Variants in TSHR observed in about 807,000 individuals in gnomAD.
TSHR encodes the protein thyrotropin receptor.
A neutral mutation model predicts 64.1 loss-of-function variants in TSHR; 51 were observed. The observed-to-expected ratio is 0.80, with a 90% confidence interval of 0.64 to 1.01. TSHR has a LOEUF of 1.01. Ranked by LOEUF, TSHR falls within the 50% of genes least tolerant of loss-of-function variation. The pLI is 0.00. For synonymous variants in TSHR, 361 were observed against 361.9 expected (o/e 1.00, Z 0.03); for missense variants, 877 against 942.8 (o/e 0.93, Z 0.91).
At chr14:81,001,615 G>A (rs904846340) in intron 1 of TSHR, 16 of 524,416 alleles carry the variant, frequency 3.1e-5, no homozygotes, top group East Asian at 5.2e-5. Context: ...CCATTGTAAC[G>A]TCAGAATGGT....
At chr14:81,029,647 G>A (rs535443034) in intron 1 of TSHR, among the ~76,000 whole-genome samples, 3 of 152,254 alleles carry the variant, frequency 2.0e-5, no homozygotes, top group African/African-American at 7.2e-5. Context: ...GTACTATGTG[G>A]TAGAAATGAG....
At chr14:81,067,602 C>A (rs2139906943) in intron 2 of TSHR, among the ~76,000 whole-genome samples, 1 of 148,332 alleles carries the variant, frequency 6.7e-6, no homozygotes, top group East Asian at 2.0e-4. Context: ...CTCAACATTG[C>A]CTACACATTA....
chr14:81,024,581 A>G (rs1205869902), intron 1 of TSHR, among the ~76,000 whole-genome samples: 1 of 152,128 alleles, frequency 6.6e-6, no homozygotes, highest in Non-Finnish European at 1.5e-5. Flanking sequence ...CTGCACCGAC[A>G]TAAAAGCTCC....
chr14:81,110,078 T>G (rs559709471), intron 8 of TSHR, among the ~76,000 whole-genome samples: 1 of 152,160 alleles, frequency 6.6e-6, no homozygotes, highest in African/African-American at 2.4e-5. Flanking sequence ...TATTCACATA[T>G]TATGCGATTT....
At chr14:81,027,594 A>T (rs919227358) in intron 1 of TSHR, among the ~76,000 whole-genome samples, 1 of 152,178 alleles carries the variant, frequency 6.6e-6, no homozygotes, top group Non-Finnish European at 1.5e-5. Flanking sequence ...CCCCTAAATT[A>T]TATACCCAGA....
chr14:81,105,026 C>A (rs1472282239), intron 7 of TSHR: 1 of 985,228 alleles, frequency 1.0e-6, no homozygotes, highest in Non-Finnish European at 1.2e-6. Flanking sequence ...TTACTACAAG[C>A]CTTTTGAGTC....
rs1891790388 is a variant in TSHR at position 81,143,466 on chromosome 14, A to G, written c.1408A>G (p.Ile470Val). 1.2e-6 allele frequency: 2 copies of G among 1,614,160 alleles called. No individual in the cohort carries two copies. Among genetic ancestry groups the G allele is most frequent in the African/African-American group, 1.3e-5 (1 of 75,040 alleles). ...CTGCATGGGGATGTACCTGCTCCTC[A>G]TCGCCTCTGTAGACCTCTACACTCA... ...DFCMGMYLLL[I>V]ASVDLYTHSE... is the part of the protein sequence containing the mutation. The change falls in exon 10 of 10, where the codon ATC (isoleucine) becomes GTC (valine). Residue 470 changes from isoleucine to valine, a missense_variant. By Grantham distance (29) the Ile-to-Val change is conservative (BLOSUM62 3). Coordinates refer to ENST00000298171, the MANE Select transcript of TSHR (RefSeq NM_000369.5).
intron 1 of TSHR, among the ~76,000 whole-genome samples, chr14:81,029,637 G>A (rs1884247653): frequency 6.6e-6 from 1 of 152,104 alleles, no homozygotes; most frequent in African/African-American, 2.4e-5. Context: ...AAAAATTTCT[G>A]TACTATGTGG....
At chr14:81,024,842 C>T (rs1883964477) in intron 1 of TSHR, among the ~76,000 whole-genome samples, 1 of 152,130 alleles carries the variant, frequency 6.6e-6, no homozygotes, top group Non-Finnish European at 1.5e-5. Context: ...ACACTAATGG[C>T]ACTTTGTATA....
intron 1 of TSHR, among the ~76,000 whole-genome samples, chr14:80,961,265 C>T (rs1347353077): frequency 5.8e-5 from 6 of 103,374 alleles, no homozygotes; most frequent in Non-Finnish European, 1.1e-4. Context: ...ACCACCAACA[C>T]GTCCCTGTCT....
At chr14:81,130,998 C>CAAAAAA (rs76794218) in intron 8 of TSHR, among the ~76,000 whole-genome samples, 2 of 67,362 alleles carry the variant, frequency 3.0e-5, no homozygotes, top group Admixed American at 1.8e-4. Context: ...ACTCCGTCTC[C>CAAAAAA]AAAAAAAAAA....
chr14:80,973,430 T>C (rs928112130), intron 1 of TSHR, among the ~76,000 whole-genome samples: 4 of 46,462 alleles, frequency 8.6e-5, no homozygotes, highest in African/African-American at 1.3e-4. Context: ...AAAAAAAAAA[T>C]CTGTGTACTT....
intron 1 of TSHR, among the ~76,000 whole-genome samples, chr14:80,968,146 G>A (rs1007083591): frequency 6.6e-6 from 1 of 152,164 alleles, no homozygotes; most frequent in African/African-American, 2.4e-5. Context: ...ACAGGGCTGA[G>A]ATGCAGTACT....
intron 3 of TSHR, among the ~76,000 whole-genome samples, chr14:81,070,111 T>C (rs2139915712): frequency 6.6e-6 from 1 of 151,822 alleles, no homozygotes; most frequent in South Asian, 2.1e-4. Flanking sequence ...AAATAAGAAA[T>C]ATATAGCACA....
chr14:81,044,979 A>G (rs910885198), intron 1 of TSHR, among the ~76,000 whole-genome samples: 2 of 152,210 alleles, frequency 1.3e-5, no homozygotes, highest in African/African-American at 4.8e-5. Context: ...TCACAATAGC[A>G]AAGACGTAGA....
intron 9 of TSHR, among the ~76,000 whole-genome samples, chr14:81,140,484 C>T (rs1201952054): frequency 6.6e-6 from 1 of 152,146 alleles, no homozygotes; most frequent in African/African-American, 2.4e-5. Flanking sequence ...GAATGGAAAA[C>T]ACTGGAATGG....
At chr14:81,120,146 A>T (rs925432562) in intron 8 of TSHR, among the ~76,000 whole-genome samples, 8 of 150,138 alleles carry the variant, frequency 5.3e-5, no homozygotes, top group Non-Finnish European at 1.0e-4. Flanking sequence ...AACCTGCACA[A>T]TGTGCACATG....
At chr14:80,957,322 G>A (rs1047436232) in intron 1 of TSHR, among the ~76,000 whole-genome samples, 1 of 151,952 alleles carries the variant, frequency 6.6e-6, no homozygotes, top group Non-Finnish European at 1.5e-5. Context: ...CCTAACCCTA[G>A]CCCTTAGACA....
At chr14:81,137,650 C>T (rs1891507411) in intron 8 of TSHR, among the ~76,000 whole-genome samples, 1 of 152,196 alleles carries the variant, frequency 6.6e-6, no homozygotes. Flanking sequence ...CCCACCATTC[C>T]CTGTTCAAAT....
Sources: gnomAD v4.1 joint callset for allele counts (sites outside exome capture counted in the v4.1 genomes callset) on GRCh38, gnomAD v4.1.1 for gene constraint, MANE v1.5 for transcripts, NCBI Gene and HGNC (gene_info 2026-07-23, HGNC 2026-07-21) for gene names.